Variants in KPNA5 observed in about 807,000 individuals in gnomAD.
KPNA5 encodes karyopherin subunit alpha 5.
KPNA5 carries 46 observed loss-of-function variants against 71.3 expected under a neutral mutation model. The ratio of observed to expected loss-of-function variants is 0.65; its 90% CI spans 0.51 to 0.83. KPNA5 has a LOEUF of 0.83. KPNA5 is among the 40% of genes least tolerant of loss of function. The pLI is 0.00. For missense variants in KPNA5, 547 were observed against 628.3 expected (o/e 0.87, Z 1.38); for synonymous variants, 207 against 201.4 (o/e 1.03, Z -0.24).
chr6:116,705,282 A>G (rs1300336321), intron 7 of KPNA5, 122 bp downstream of exon 7: 4 of 654,922 alleles, frequency 6.1e-6, no homozygotes, highest in East Asian at 5.9e-5. Flanking sequence ...AGCCTGCAGT[A>G]GCTTGACAGC....
At chr6:116,712,700 A>C (rs1778745728) in intron 7 of KPNA5, among the ~76,000 whole-genome samples, 1 of 152,218 alleles carries the variant, frequency 6.6e-6, no homozygotes, top group South Asian at 2.1e-4. Flanking sequence ...CCTGGCCTCA[A>C]GCGATTCTCC....
intron 8 of KPNA5, among the ~76,000 whole-genome samples, chr6:116,721,260 T>G (rs921115817): frequency 2.0e-5 from 3 of 152,204 alleles, no homozygotes; most frequent in Admixed American, 6.5e-5. Context: ...TATTAGAACA[T>G]TTAAGAAAAA....
At position 116,716,143 on chromosome 6, in the gene KPNA5, G is replaced by T. The variant is rs560366448; in HGVS notation, c.657-76G>T. ...AATATCTTATAAAATATATTGGAGAGAAATTTTGTATTATGATAGCTAAAG... is the reference window on the plus strand; with the variant it reads ...AATATCTTATAAAATATATTGGAGATAAATTTTGTATTATGATAGCTAAAG... On this transcript the variant is annotated intron_variant, in intron 7 of 13. Transcript: ENST00000368564. 77 of 1,064,456 alleles carry T rather than the reference G, an allele frequency of 7.2e-5. 1 individual carries two copies. The South Asian group carries it at 1.0e-3, about 14-fold the overall frequency. The allele number at this position is 1,064,456 out of a possible 1,614,324, so 65.9% of individuals were successfully genotyped here.
In KPNA5 at chr6:116,734,520, T is replaced by C. The variant is rs1297280983; in HGVS notation, c.*2197T>C. On this transcript the variant is annotated 3_prime_UTR_variant, in exon 14 of 14. Transcript: ENST00000368564. ...TTCCTTAAATATATTACTTGGGTAA[T>C]TAATTTTAGATTTGATTGCAAAGAG... 6.6e-6 allele frequency: 1 copy of C among 151,690 alleles called. No homozygotes were observed. Among genetic ancestry groups the C allele is most frequent in the African/African-American group, 2.4e-5 (1 of 41,408 alleles). The allele number at this position is 151,690 out of a possible 1,614,324, so 9.4% of individuals were successfully genotyped here. A position where few individuals can be genotyped will look rare whatever the true frequency, so the allele number is the denominator to read the frequency against.
intron 6 of KPNA5, among the ~76,000 whole-genome samples, chr6:116,704,257 G>A (rs200210820): frequency 6.6e-6 from 1 of 151,700 alleles, no homozygotes; most frequent in Non-Finnish European, 1.5e-5. Context: ...CAGGCTGGTC[G>A]CAAACTCCTG....
intron 1 of KPNA5, among the ~76,000 whole-genome samples, chr6:116,687,035 A>G (rs1777617378): frequency 6.6e-6 from 1 of 152,152 alleles, no homozygotes; most frequent in Non-Finnish European, 1.5e-5. Context: ...TTCCATATGA[A>G]TTTGAAAATA....
At position 116,739,924 on chromosome 6, in the gene KPNA5, G is replaced by C. The variant is rs1339243564; in HGVS notation, c.*7601G>C. 1 of 151,750 alleles carries C rather than the reference G, an allele frequency of 6.6e-6. No homozygotes were observed. Among genetic ancestry groups the C allele is most frequent in the African/African-American group, 2.4e-5 (1 of 41,204 alleles). 9.4% of individuals were successfully genotyped at this position (151,750 alleles called of 1,614,324 possible). A position where few individuals can be genotyped will look rare whatever the true frequency, so the allele number is the denominator to read the frequency against. ...AGAAAACCTAGGCATTACCATTCAG[G>C]ACATAGGGATGGGCAAGGACTTCAT... On this transcript the variant is annotated 3_prime_UTR_variant, in exon 14 of 14. Transcript: ENST00000368564.
chr6:116,718,977 G>C (rs990764945), intron 8 of KPNA5, among the ~76,000 whole-genome samples: 2 of 152,050 alleles, frequency 1.3e-5, no homozygotes, highest in African/African-American at 4.8e-5. Flanking sequence ...ATGTTGGCCA[G>C]GCTGGTGCCA....
chr6:116,716,941 G>GAT (rs1419299642), intron 8 of KPNA5, among the ~76,000 whole-genome samples: 1 of 151,688 alleles, frequency 6.6e-6, no homozygotes, highest in African/African-American at 2.4e-5. Context: ...AATTCACAAA[G>GAT]GTAATGCATG....
intron 5 of KPNA5, among the ~76,000 whole-genome samples, chr6:116,701,558 T>G (rs1778231564): frequency 6.6e-6 from 1 of 152,210 alleles, no homozygotes. Flanking sequence ...TTCTAATTTT[T>G]TTGTTTCTTA....
chr6:116,706,931 G>T (rs981217809), intron 7 of KPNA5, among the ~76,000 whole-genome samples: 1 of 152,156 alleles, frequency 6.6e-6, no homozygotes, highest in East Asian at 1.9e-4. Flanking sequence ...TGGGGAGGCC[G>T]AGTTGGGTGG....
At chr6:116,701,638 T>C (rs928666429) in intron 5 of KPNA5, among the ~76,000 whole-genome samples, 5 of 152,178 alleles carry the variant, frequency 3.3e-5, no homozygotes, top group Admixed American at 6.5e-5. Context: ...GTCCTAAATA[T>C]ACTGTTGTTA....
chr6:116,716,846 A>G (rs1280399493), intron 8 of KPNA5, among the ~76,000 whole-genome samples: 2 of 152,148 alleles, frequency 1.3e-5, no homozygotes, highest in South Asian at 2.1e-4. Flanking sequence ...CTAAAATGGC[A>G]CAATGACTCT....
chr6:116,706,099 T>C (rs1006518356), intron 7 of KPNA5, among the ~76,000 whole-genome samples: 11 of 152,336 alleles, frequency 7.2e-5, no homozygotes, highest in Admixed American at 4.6e-4. Context: ...TCAGTATGAA[T>C]CATTTTGAAG....
In KPNA5 at chr6:116,702,003, T is replaced by C. The variant is rs1429621978; in HGVS notation, c.436-16T>C. The C allele has an allele frequency of 1.3e-6, 2 of 1,585,180 alleles. No homozygotes were observed. The highest frequency in any genetic ancestry group is 1.8e-5 in the Admixed American group (1 of 54,826). ...CTTTGGTTCTTTCATTTATTTTACC[T>C]TTTTTTTCTTCTTAGTTTGAAGCTG... On this transcript the variant is annotated splice_polypyrimidine_tract_variant and intron_variant, in intron 5 of 13. Transcript: ENST00000368564.
chr6:116,705,309 A>G (rs1778398591), intron 7 of KPNA5, 149 bp downstream of exon 7: 5 of 564,840 alleles, frequency 8.9e-6, no homozygotes. Flanking sequence ...AACCAAGAGA[A>G]ATTTTCAAAT....
At chr6:116,709,299 C>T (rs560456449) in intron 7 of KPNA5, among the ~76,000 whole-genome samples, 18 of 151,928 alleles carry the variant, frequency 1.2e-4, no homozygotes, top group East Asian at 3.9e-4. Context: ...TGGGTTCAAG[C>T]GGTTCTCATG....
At chr6:116,698,821 T>C in intron 5 of KPNA5, 23 bp downstream of exon 5, 7 of 1,345,810 alleles carry the variant, frequency 5.2e-6, no homozygotes, top group Non-Finnish European at 7.2e-6. Context: ...TTTTCTTTCT[T>C]AATTTTTCTC....
intron 4 of KPNA5, among the ~76,000 whole-genome samples, chr6:116,695,876 A>T (rs1276363850): frequency 2.6e-5 from 4 of 152,098 alleles, no homozygotes; most frequent in African/African-American, 9.7e-5. Context: ...CTTTAGATTT[A>T]AGAGTTTTAG....
Sources: allele counts gnomAD v4.1 joint callset (sites outside exome capture counted in the v4.1 genomes callset), GRCh38; gene constraint gnomAD v4.1.1; transcripts MANE v1.5; gene names NCBI Gene and HGNC (gene_info 2026-07-23, HGNC 2026-07-21).